Variants in DAZAP2 observed in about 807,000 individuals in gnomAD.
DAZAP2 encodes DAZ associated protein 2.
In DAZAP2, 3 loss-of-function variants were observed where a neutral mutation model predicts 16.2. The ratio of observed to expected loss-of-function variants is 0.19; its 90% CI spans 0.08 to 0.48. The LOEUF (loss-of-function observed/expected upper bound fraction) is 0.48. DAZAP2 is among the 20% of genes least tolerant of loss of function. The probability of loss-of-function intolerance (pLI) is 0.98; values close to 1 mark genes in which losing one functional copy is unlikely to be tolerated. For synonymous variants in DAZAP2, 69 were observed against 77.6 expected (o/e 0.89, Z 0.58); for missense variants, 172 against 215.9 (o/e 0.80, Z 1.27).
rs1944719072 is a variant in DAZAP2, at chr12:51,243,542, C to A, written c.*1084C>A. Reference sequence around the variant, plus strand: ...AGGGTTTAAGAATATTTCAGGGATCCTTAATGTTTTGATTTTTGTTTTCTG... The same window carrying A: ...AGGGTTTAAGAATATTTCAGGGATCATTAATGTTTTGATTTTTGTTTTCTG... On this transcript the variant is annotated 3_prime_UTR_variant, in exon 4 of 4. Transcript: ENST00000412716. 1.0e-6 allele frequency: 1 copy of A among 985,484 alleles called. No homozygotes were observed. The highest frequency in any genetic ancestry group is 1.2e-6 in the Non-Finnish European group (1 of 829,888). 61.0% of individuals were successfully genotyped at this position (985,484 alleles called of 1,614,324 possible).
At chr12:51,239,895 CTTTG>C (rs1440195766) in intron 1 of DAZAP2, 1 of 172,806 alleles carries the variant, frequency 5.8e-6, no homozygotes, top group African/African-American at 2.4e-5. Context: ...CATTCACACC[CTTTG>C]TTTGGAAGTC....
chr12:51,246,250 T>C (rs547467009), downstream of DAZAP2: 6 of 1,347,260 alleles, frequency 4.5e-6, no homozygotes, highest in East Asian at 9.9e-5. Context: ...TCCACTTCCA[T>C]CCAAACCCAT....
chr12:51,245,112 C>G (rs1944749483), downstream of DAZAP2: 1 of 152,188 alleles, frequency 6.6e-6, no homozygotes, highest in South Asian at 2.1e-4. Context: ...CAGGCGTGAG[C>G]CACCGAACCC....
At chr12:51,244,113 G>C (rs556073918), downstream of DAZAP2, among the ~76,000 whole-genome samples, 1 of 152,232 alleles carries the variant, frequency 6.6e-6, no homozygotes, top group Non-Finnish European at 1.5e-5. Context: ...TGTATACGTT[G>C]AGGATGACCT....
At chr12:51,241,254 G>GA (rs143031853) in intron 3 of DAZAP2, 138 bp downstream of exon 3, 78 of 1,357,766 alleles carry the variant, frequency 5.7e-5, no homozygotes, top group Non-Finnish European at 6.9e-5. Context: ...TACTCAGGCA[G>GA]AAAGTGTTTG....
chr12:51,242,657 T>C lies in DAZAP2; in HGVS notation c.*199T>C. 2 of 1,537,668 alleles carry C rather than the reference T, an allele frequency of 1.3e-6. No homozygotes were observed. Among genetic ancestry groups the C allele is most frequent in the South Asian group, 2.4e-5 (2 of 82,556 alleles). On this transcript the variant is annotated 3_prime_UTR_variant, in exon 4 of 4. Transcript: ENST00000412716. ...ATGGTAGCAGTACCTCCCTAAAGCATTTTGAGGTAGGGGAGGTATCCATTC... is the reference window on the plus strand; with the variant it reads ...ATGGTAGCAGTACCTCCCTAAAGCACTTTGAGGTAGGGGAGGTATCCATTC...
chr12:51,241,463 C>T (rs1188316654), intron 3 of DAZAP2, among the ~76,000 whole-genome samples: 1 of 152,152 alleles, frequency 6.6e-6, no homozygotes, highest in East Asian at 1.9e-4. Context: ...TGGTGTTGCA[C>T]TAGGAACCCT....
At chr12:51,238,974 G>T in intron 1 of DAZAP2, 54 bp downstream of exon 1, 2 of 1,606,226 alleles carry the variant, frequency 1.2e-6, no homozygotes, top group Non-Finnish European at 1.7e-6. Context: ...GGCCCAGAGC[G>T]AGCGGATTCG....
Position 51,239,512 on chromosome 12 carries a change from C to CTCACG in DAZAP2, c.13+593_13+597dup, listed in dbSNP as rs569710551. 1.5e-4 allele frequency: 23 copies of CTCACG among 148,418 alleles called. No individual in the cohort carries two copies. The South Asian group carries it at 4.3e-3, about 28-fold the overall frequency. The allele number at this position is 148,418 out of a possible 1,614,324, so 9.2% of individuals were successfully genotyped here. A position where few individuals can be genotyped will look rare whatever the true frequency, so the allele number is the denominator to read the frequency against. ...AAAAAAAAAAGGCCGAGCGAGGTTG[C>CTCACG]TCACGCCTGTAATCCCAGCAGTTTG... On this transcript the variant is annotated intron_variant, in intron 1 of 3. Transcript: ENST00000412716.
At chr12:51,239,988 G>C in intron 1 of DAZAP2, 1 of 245,216 alleles carries the variant, frequency 4.1e-6, no homozygotes, top group Non-Finnish European at 8.0e-6. Flanking sequence ...ACAGGCTGTG[G>C]AGACTACCTA....
chr12:51,239,894 C>T lies in DAZAP2; in HGVS notation c.14-449C>T, dbSNP rs556687216. On this transcript the variant is annotated intron_variant, in intron 1 of 3. Transcript: ENST00000412716. ...CACGGTTCACTTCCATCATTCACAC[C>T]CTTTGTTTGGAAGTCGACCTTGAAT... 4.1e-5 allele frequency: 7 copies of T among 172,534 alleles called. No individual in the cohort carries two copies. In the South Asian group the frequency reaches 5.1e-4, roughly 13 times the overall value. The allele number at this position is 172,534 out of a possible 1,614,324, so 10.7% of individuals were successfully genotyped here.
chr12:51,240,411 C>A lies in DAZAP2; in HGVS notation c.82C>A (p.His28Asn). 6.2e-7 allele frequency: 1 copy of A among 1,614,154 alleles called. No homozygotes were observed. The highest frequency in any genetic ancestry group is 8.5e-7 in the Non-Finnish European group (1 of 1,180,030). Reference protein sequence around the residue: ...PGNPVYPQTLHLPQAPPYTDA... With the variant: ...PGNPVYPQTLNLPQAPPYTDA... ...GAATCCAGTATACCCTCAGACCTTG[C>A]ATCTTCCTCAGGCTCCACCCTATAC... The change falls in exon 2 of 4, where the codon CAT becomes AAT. Residue 28 changes from histidine to asparagine, a missense_variant. Transcript: ENST00000412716.
At chr12:51,246,238 T>C, downstream of DAZAP2, 2 of 1,423,216 alleles carry the variant, frequency 1.4e-6, no homozygotes, top group Non-Finnish European at 1.9e-6. Flanking sequence ...CATTAACTAG[T>C]GTCCACTTCC....
At chr12:51,240,190 A>G (rs1592226062) in intron 1 of DAZAP2, 153 bp from the exon 2 acceptor site, 1 of 669,334 alleles carries the variant, frequency 1.5e-6, no homozygotes, top group Non-Finnish European at 2.7e-6. Context: ...AAGACAATGC[A>G]TATTTTCTTA....
In DAZAP2 at chr12:51,240,389, T is replaced by C; in HGVS notation, c.60T>C (p.Asn20=). The change falls in exon 2 of 4, where the codon AAT becomes AAC. Residue 20 remains asparagine (N), a synonymous_variant. Coordinates refer to ENST00000412716, the MANE Select transcript of DAZAP2 (RefSeq NM_014764.4). ...CCTACCCTGTGCAGCCTCCTGGGAA[T>C]CCAGTATACCCTCAGACCTTGCATC... ...QPTYPVQPPG[N]PVYPQTLHLP... is the part of the protein sequence containing the mutation. 6.2e-7 allele frequency: 1 copy of C among 1,614,108 alleles called. No homozygotes were observed. The highest frequency in any genetic ancestry group is 8.5e-7 in the Non-Finnish European group (1 of 1,180,012).
At chr12:51,239,006 C>T (rs1280562578) in intron 1 of DAZAP2, 86 bp downstream of exon 1, 2 of 1,574,556 alleles carry the variant, frequency 1.3e-6, no homozygotes, top group East Asian at 2.3e-5. Flanking sequence ...CACCAAACGC[C>T]AGGTTTGGGG....
Position 51,242,978 on chromosome 12 carries a change from A to C in DAZAP2, c.*520A>C. 1 of 1,064,962 alleles carries C rather than the reference A, an allele frequency of 9.4e-7. No homozygotes were observed. Among genetic ancestry groups the C allele is most frequent in the Non-Finnish European group, 1.1e-6 (1 of 880,552 alleles). 66.0% of individuals were successfully genotyped at this position (1,064,962 alleles called of 1,614,324 possible). ...CCCTAGTCTTCCATTTCCTCCCGCCAGTCTCCATTGAATCAATGGTGCAGG... is the reference window on the plus strand; with the variant it reads ...CCCTAGTCTTCCATTTCCTCCCGCCCGTCTCCATTGAATCAATGGTGCAGG... On this transcript the variant is annotated 3_prime_UTR_variant, in exon 4 of 4. Coordinates refer to ENST00000412716, the MANE Select transcript of DAZAP2 (RefSeq NM_014764.4).
chr12:51,244,776 C>G (rs1468265280), downstream of DAZAP2: 1 of 151,516 alleles, frequency 6.6e-6, no homozygotes, highest in African/African-American at 2.4e-5. Context: ...GAAATTCTGG[C>G]CCTTGCCAGG....
rs752997488 is a variant in DAZAP2 at position 51,241,020 on chromosome 12, C to G, written c.282C>G (p.Val94=). The G allele has an allele frequency of 6.2e-7, 1 of 1,613,892 alleles. No individual in the cohort carries two copies. The highest frequency in any genetic ancestry group is 1.3e-5 in the African/African-American group (1 of 74,884). ...GSTIPMAYYP[V]GPIYPPGSTV... ...CAATCCCCATGGCTTATTATCCAGT[C>G]GGTCCCATCTATCCACCTGGCTCCA... The change falls in exon 3 of 4, where the codon GTC becomes GTG. Residue 94 remains valine (V), a synonymous_variant. Transcript: ENST00000412716.
Sources: allele counts gnomAD v4.1 joint callset (sites outside exome capture counted in the v4.1 genomes callset), GRCh38; gene constraint gnomAD v4.1.1; transcripts MANE v1.5; gene names NCBI Gene and HGNC (gene_info 2026-07-23, HGNC 2026-07-21).